The following GPAA1 variants were observed in gnomAD, a reference collection of about 807,000 sequenced individuals.
The protein encoded by GPAA1 is glycosylphosphatidylinositol anchor attachment 1.
Under a neutral mutation model 64.0 loss-of-function variants are expected in GPAA1, and 54 were observed. The observed-to-expected ratio is 0.84, with a 90% confidence interval of 0.68 to 1.06. The LOEUF (loss-of-function observed/expected upper bound fraction) is 1.06, where lower values mean the gene tolerates loss of function less well. Among genes scored for constraint, GPAA1 ranks in the 50% least tolerant of loss-of-function variants. The probability of loss-of-function intolerance (pLI) is 0.00; values close to 1 mark genes in which losing one functional copy is unlikely to be tolerated. For missense variants in GPAA1, 780 were observed against 822.3 expected (o/e 0.95, Z 0.63); for synonymous variants, 393 against 377.3 (o/e 1.04, Z -0.48).
Position 144,083,491 on chromosome 8 carries a change from C to T in GPAA1, c.357C>T (p.His119=), listed in dbSNP as rs1554763840. The T allele has an allele frequency of 6.2e-7, 1 of 1,610,938 alleles. No homozygotes were observed. Among genetic ancestry groups the T allele is most frequent in the African/African-American group, 1.3e-5 (1 of 75,014 alleles). The change falls in exon 3 of 12, where the codon CAC becomes CAT. Residue 119 remains histidine, a synonymous_variant. Transcript: ENST00000355091. ...AACTGCCCTTCCCAGATGAGACCCA[C>T]GAGCGCTATGTACTGGGGGAGTGGG... is the stretch of plus-strand genomic sequence containing the variant. ...SRKLPFPDET[H]ERYMVSGTNV... is the part of the protein sequence containing the mutation.
Position 144,084,232 on chromosome 8 carries a change from G to A in GPAA1, c.715G>A (p.Val239Met), listed in dbSNP as rs978655919. 9.3e-6 allele frequency: 15 copies of A among 1,613,650 alleles called. No homozygotes were observed. Among genetic ancestry groups the A allele is most frequent in the Admixed American group, 3.3e-5 (2 of 60,014 alleles). ...SDVVTSLDVA[V>M]EGLNGQLPNL... ...TGTGGTCACCAGCCTCGATGTGGCC[G>A]TGGAGGGGCTTAACGGGCAGCTGCC... Residue 239 changes from valine to methionine, a missense_variant, in exon 6 of 12, where the codon GTG becomes ATG. By Grantham distance (21) the Val-to-Met change is conservative. Coordinates refer to ENST00000355091, the MANE Select transcript of GPAA1 (RefSeq NM_003801.4).
chr8:144,083,857 C>A lies in GPAA1; in HGVS notation c.510C>A (p.Phe170Leu), dbSNP rs781992613. The A allele has an allele frequency of 3.6e-5, 58 of 1,612,872 alleles. No homozygotes were observed. The highest frequency in any genetic ancestry group is 4.7e-5 in the Non-Finnish European group (56 of 1,180,012). ...TGCTGCTGGCACTGGCTGCCCACTT[C>A]CGGGGTGAGTCTCAGGGCTGCTGGC... ...VGLLLALAAHFRGQIYWAKDI... is the reference protein window; with the variant it reads ...VGLLLALAAHLRGQIYWAKDI... The change falls in exon 4 of 12, where the codon TTC becomes TTA. Residue 170 changes from phenylalanine to leucine, a missense_variant. Physicochemically the swap from Phe to Leu is conservative, Grantham distance 22. Coordinates refer to ENST00000355091, the MANE Select transcript of GPAA1 (RefSeq NM_003801.4).
rs781794496 is a variant in GPAA1, at chr8:144,083,861, G to C, written c.514G>C (p.Gly172Arg). 33 of 1,613,034 alleles carry C rather than the reference G, an allele frequency of 2.0e-5. No homozygotes were observed. The highest frequency in any genetic ancestry group is 1.6e-4 in the Middle Eastern group (1 of 6,084). Residue 172 changes from glycine (G) to arginine (R), a missense_variant and splice_region_variant, in exon 4 of 12, where the codon GGG (glycine) becomes CGG (arginine). Transcript: ENST00000355091. ...LLLALAAHFRGQIYWAKDIVF... is the reference protein window; with the variant it reads ...LLLALAAHFRRQIYWAKDIVF... Reference sequence around the variant, plus strand: ...GCTGGCACTGGCTGCCCACTTCCGGGGTGAGTCTCAGGGCTGCTGGCCGTG... The same window carrying C: ...GCTGGCACTGGCTGCCCACTTCCGGCGTGAGTCTCAGGGCTGCTGGCCGTG...
chr8:144,083,655 C>T, intron 3 of GPAA1, 59 bp from the exon 4 acceptor site: 1 of 1,518,542 alleles, frequency 6.6e-7, no homozygotes, highest in Non-Finnish European at 9.0e-7. Flanking sequence ...TTGTGGGGGG[C>T]CCTTCAGCCC....
rs782536135 is a variant in GPAA1, at chr8:144,085,099, G to A, written c.1221G>A (p.Gly407=). 2.5e-6 allele frequency: 4 copies of A among 1,608,622 alleles called. No homozygotes were observed. The highest frequency in any genetic ancestry group is 3.4e-6 in the Non-Finnish European group (4 of 1,177,254). The part of the protein sequence containing the change: ...HEAGMGLEEP[G]GAPGPSVPLP... ...CTGGAATGGGCCTTGAGGAGCCCGG[G>A]GGTGCCCCTGGCCCCAGTGTACCCC... The change falls in exon 9 of 12, where the codon GGG becomes GGA. Residue 407 remains glycine (G), a synonymous_variant. Transcript: ENST00000355091.
intron 11 of GPAA1, 25 bp downstream of exon 11, chr8:144,085,768 C>T (rs782380081): frequency 1.7e-5 from 28 of 1,609,240 alleles, no homozygotes; most frequent in Non-Finnish European, 1.9e-5. Flanking sequence ...GCCCCACTTC[C>T]CCCAATGCCT....
At chr8:144,083,566 A>T (rs1835943493) in intron 3 of GPAA1, 66 bp downstream of exon 3, 2 of 1,452,118 alleles carry the variant, frequency 1.4e-6, no homozygotes. Flanking sequence ...TGGGCTGGGT[A>T]TCACCTTGCG....
At position 144,085,223 on chromosome 8, in the gene GPAA1, A is replaced by G; in HGVS notation, c.1261-66A>G. 6.1e-6 allele frequency: 9 copies of G among 1,486,802 alleles called. No homozygotes were observed. In the South Asian group the frequency reaches 7.5e-5, roughly 12 times the overall value. 92.1% of individuals were successfully genotyped at this position (1,486,802 alleles called of 1,614,324 possible). A position where few individuals can be genotyped will look rare whatever the true frequency, so the allele number is the denominator to read the frequency against. The stretch of plus-strand genomic sequence containing the variant: ...TTGCAACTTAGCCTCAGCTGGTGGG[A>G]TGGTGGTGGTCTTTGGGGATCCCCT... On this transcript the variant is annotated intron_variant, in intron 9 of 11. Transcript: ENST00000355091.
Position 144,085,875 on chromosome 8 carries a change from C to T in GPAA1, c.1623-7C>T. On this transcript the variant is annotated splice_region_variant and splice_polypyrimidine_tract_variant and intron_variant, in intron 11 of 11. Coordinates refer to ENST00000355091, the MANE Select transcript of GPAA1 (RefSeq NM_003801.4). The stretch of plus-strand genomic sequence containing the variant: ...GGAGCCTACCTTGATGTTGCTTCTC[C>T]ACCCAGGACCCTCTATGCTGCCCTG... The T allele has an allele frequency of 1.2e-6, 2 of 1,601,438 alleles. No homozygotes were observed. The highest frequency in any genetic ancestry group is 2.2e-5 in the South Asian group (2 of 90,762).
rs782001103 is a variant in GPAA1, at chr8:144,084,437, T to C, written c.838T>C (p.Leu280=). Residue 280 remains leucine (L), a synonymous_variant, in exon 7 of 12, where the codon TTG becomes CTG. Coordinates refer to ENST00000355091, the MANE Select transcript of GPAA1 (RefSeq NM_003801.4). The stretch of plus-strand genomic sequence containing the variant: ...GCTGCAGCCCGAGGACTGGACATCA[T>C]TGGATGGACCGCTGCAGGGCCTGCA... The part of the protein sequence containing the change: ...GKLQPEDWTS[L]DGPLQGLQTL... 25 of 1,612,616 alleles carry C rather than the reference T, an allele frequency of 1.6e-5. No homozygotes were observed. The highest frequency in any genetic ancestry group is 1.2e-4 in the Admixed American group (7 of 59,988).
rs1835969220 is a variant in GPAA1 at position 144,084,771 on chromosome 8, C to T, written c.1060C>T (p.His354Tyr). Residue 354 changes from histidine to tyrosine, a missense_variant, in exon 8 of 12, where the codon CAC (histidine) becomes TAC (tyrosine). By Grantham distance (83) the His-to-Tyr change is moderately conservative (BLOSUM62 2). Coordinates refer to ENST00000355091, the MANE Select transcript of GPAA1 (RefSeq NM_003801.4). Reference protein sequence around the residue: ...RKLNHLLERLHQSFFLYLLPG... With the variant: ...RKLNHLLERLYQSFFLYLLPG... ...GCTCAACCACCTCCTGGAGCGCCTGCACCAGTCCTTCTTCCTCTACTTGCT... is the reference window on the plus strand; with the variant it reads ...GCTCAACCACCTCCTGGAGCGCCTGTACCAGTCCTTCTTCCTCTACTTGCT... 6.2e-7 allele frequency: 1 copy of T among 1,613,762 alleles called. No homozygotes were observed. Among genetic ancestry groups the T allele is most frequent in the Non-Finnish European group, 8.5e-7 (1 of 1,179,980 alleles).
Position 144,085,319 on chromosome 8 carries a change from C to T in GPAA1, c.1291C>T (p.Leu431=). Residue 431 remains leucine, a synonymous_variant, in exon 10 of 12, where the codon CTG becomes TTG. Coordinates refer to ENST00000355091, the MANE Select transcript of GPAA1 (RefSeq NM_003801.4). ...GVGLASLVAP[L]LISQAMGLAL... is the part of the protein sequence containing the mutation. Reference sequence around the variant, plus strand: ...GGGGCTGGCCTCGCTCGTGGCACCTCTGCTGATCTCACAGGCCATGGGACT... The same window carrying T: ...GGGGCTGGCCTCGCTCGTGGCACCTTTGCTGATCTCACAGGCCATGGGACT... 1 of 1,609,396 alleles carries T rather than the reference C, an allele frequency of 6.2e-7. No homozygotes were observed. Among genetic ancestry groups the T allele is most frequent in the South Asian group, 1.1e-5 (1 of 90,874 alleles).
chr8:144,085,282 C>T lies in GPAA1; in HGVS notation c.1261-7C>T. The T allele has an allele frequency of 6.3e-7, 1 of 1,593,704 alleles. No individual in the cohort carries two copies. Among genetic ancestry groups the T allele is most frequent in the African/African-American group, 1.3e-5 (1 of 74,808 alleles). ...GGTCCATCTCCAAGAGCCTGTGTGC[C>T]CTGCAGGGTGTGGGGCTGGCCTCGC... On this transcript the variant is annotated splice_polypyrimidine_tract_variant and splice_region_variant and intron_variant, in intron 9 of 11. Transcript: ENST00000355091.
Position 144,082,662 on chromosome 8 carries a change from C to A in GPAA1, c.-69C>A. 8.4e-7 allele frequency: 1 copy of A among 1,185,738 alleles called. No homozygotes were observed. Among genetic ancestry groups the A allele is most frequent in the Non-Finnish European group, 1.1e-6 (1 of 895,484 alleles). The allele number at this position is 1,185,738 out of a possible 1,614,324, so 73.5% of individuals were successfully genotyped here. A position where few individuals can be genotyped will look rare whatever the true frequency, so the allele number is the denominator to read the frequency against. On this transcript the variant is annotated 5_prime_UTR_variant, in exon 1 of 12. Coordinates refer to ENST00000355091, the MANE Select transcript of GPAA1 (RefSeq NM_003801.4). ...CGCGGGTCCCCGGGTCTGACAGGAG[C>A]AGCCTGTGGGCACCGCGGCGGTAGT... is the stretch of plus-strand genomic sequence containing the variant.
chr8:144,082,857 G>T, intron 1 of GPAA1, 53 bp downstream of exon 1: 3 of 1,283,464 alleles, frequency 2.3e-6, no homozygotes, highest in Non-Finnish European at 2.0e-6. Context: ...GCTCGCGCCG[G>T]CGGCCCCATG....
In GPAA1 at chr8:144,083,244, G is replaced by A. The variant is rs1835937946; in HGVS notation, c.195G>A (p.Ala65=). ...CCACCATGGTGGAGGAGCAGTTTGC[G>A]GGCGGAGACCGTGCCCGGGCTTTTG... ...MGSTMVEEQF[A]GGDRARAFAR... Residue 65 remains alanine (A), a synonymous_variant, in exon 2 of 12, where the codon GCG becomes GCA. Transcript: ENST00000355091. 6.2e-7 allele frequency: 1 copy of A among 1,606,498 alleles called. No individual in the cohort carries two copies. The highest frequency in any genetic ancestry group is 2.2e-5 in the East Asian group (1 of 44,698).
chr8:144,084,348 C>T lies in GPAA1; in HGVS notation c.813+18C>T. ...AGGGCAAGGTGGGGCTGCCTGCCTGCCTGAGGGCTGAAGGGCACAGGGTCT... is the reference window on the plus strand; with the variant it reads ...AGGGCAAGGTGGGGCTGCCTGCCTGTCTGAGGGCTGAAGGGCACAGGGTCT... On this transcript the variant is annotated intron_variant, in intron 6 of 11. Transcript: ENST00000355091. 1 of 1,612,422 alleles carries T rather than the reference C, an allele frequency of 6.2e-7. No individual in the cohort carries two copies. Among genetic ancestry groups the T allele is most frequent in the East Asian group, 2.2e-5 (1 of 44,856 alleles).
Position 144,085,510 on chromosome 8 carries a change from G to A in GPAA1, c.1451+31G>A, listed in dbSNP as rs373779637. ...AGGCTGGGCTGGTTGTTGGGGGCAG[G>A]GGTAGAGGTCCCCTGGACATGCAGA... On this transcript the variant is annotated intron_variant, in intron 10 of 11. Transcript: ENST00000355091. 165 of 1,604,620 alleles carry A rather than the reference G, an allele frequency of 1.0e-4. No homozygotes were observed. Among genetic ancestry groups the A allele is most frequent in the Non-Finnish European group, 1.3e-4 (158 of 1,177,300 alleles).
intron 3 of GPAA1, 79 bp from the exon 4 acceptor site, chr8:144,083,635 G>C: frequency 1.4e-6 from 2 of 1,469,934 alleles, no homozygotes; most frequent in Non-Finnish European, 1.9e-6. Flanking sequence ...GCACTGGAGG[G>C]CTAGGAAAGT....
Sources: allele counts gnomAD v4.1 joint callset, GRCh38; gene constraint gnomAD v4.1.1; transcripts MANE v1.5; gene names NCBI Gene and HGNC (gene_info 2026-07-23, HGNC 2026-07-21).